SLC25A48: variants seen among roughly 807,000 people sequenced by gnomAD.
SLC25A48 encodes solute carrier family 25 member 48, also known as CTC-321K16.1.
Under a neutral mutation model 32.2 loss-of-function variants are expected in SLC25A48, and 29 were observed. The observed-to-expected ratio is 0.90, with a 90% CI of 0.67 to 1.23. The LOEUF (loss-of-function observed/expected upper bound fraction) is 1.23. Ranked by LOEUF, SLC25A48 falls within the 50% of genes most tolerant of loss-of-function variation. SLC25A48 has a pLI of 0.00. For synonymous variants in SLC25A48, 164 were observed against 172.3 expected (o/e 0.95, Z 0.38); for missense variants, 399 against 422.7 (o/e 0.94, Z 0.49).
At chr5:135,668,746 G>C (rs1753581168) in intron 3 of SLC25A48, among the ~76,000 whole-genome samples, 1 of 152,318 alleles carries the variant, frequency 6.6e-6, no homozygotes, top group South Asian at 2.1e-4. Context: ...GAGGGAGAAA[G>C]TTCTTTAGGG....
At chr5:135,630,103 G>A (rs1343768199) in intron 2 of SLC25A48, among the ~76,000 whole-genome samples, 1 of 152,182 alleles carries the variant, frequency 6.6e-6, no homozygotes, top group Non-Finnish European at 1.5e-5. Flanking sequence ...ATATGCCAAG[G>A]AATGAATGGC....
intron 1 of SLC25A48, among the ~76,000 whole-genome samples, chr5:135,607,135 C>G (rs981277888): frequency 2.0e-5 from 3 of 152,222 alleles, no homozygotes; most frequent in Non-Finnish European, 2.9e-5. Flanking sequence ...GGCGCTGCCT[C>G]TGAGAAGCAC....
chr5:135,634,434 A>T lies in SLC25A48; in HGVS notation c.-708-335A>T, dbSNP rs547729244. Among the ~76,000 whole-genome samples, 450 of 152,352 alleles carry T rather than the reference A, an allele frequency of 3.0e-3. 2 individuals carry two copies. The highest frequency in any genetic ancestry group is 0.01 in the African/African-American group (436 of 41,592). On this transcript the variant is annotated intron_variant, in intron 2 of 10. Transcript: ENST00000646290. ...ATCATCATGGGGCCATGGGACTCCT[A>T]AGATATGTCCAGCTTATGTTGAACT...
intron 3 of SLC25A48, among the ~76,000 whole-genome samples, chr5:135,789,697 G>A (rs563362288): frequency 6.6e-6 from 1 of 151,276 alleles, no homozygotes; most frequent in African/African-American, 2.4e-5. Flanking sequence ...ATGTGGCAGG[G>A]GGGTGTACAC....
chr5:135,673,195 C>T (rs1753694113), intron 3 of SLC25A48, among the ~76,000 whole-genome samples: 1 of 152,088 alleles, frequency 6.6e-6, no homozygotes, highest in African/African-American at 2.4e-5. Context: ...CACATTTATG[C>T]CTAAATCTTT....
intron 3 of SLC25A48, among the ~76,000 whole-genome samples, chr5:135,685,988 G>A (rs1754013910): frequency 6.6e-6 from 1 of 152,198 alleles, no homozygotes; most frequent in Non-Finnish European, 1.5e-5. Context: ...CTCTCAAGGT[G>A]ACTGCTGCTG....
intron 3 of SLC25A48, among the ~76,000 whole-genome samples, chr5:135,785,818 T>C (rs907521198): frequency 6.8e-6 from 1 of 146,296 alleles, no homozygotes; most frequent in Admixed American, 6.8e-5. Flanking sequence ...TTACTCCCCA[T>C]AGGGCGGGGG....
At position 135,650,447 on chromosome 5, in the gene SLC25A48, T is replaced by A. The variant is rs78338834; in HGVS notation, c.-521+15491T>A. On this transcript the variant is annotated intron_variant, in intron 3 of 10. Transcript: ENST00000646290. ...GGTGGGAGAGAGCCTCCAGACACAG[T>A]GAGTTCCCAGGAACCAGCCGGGTTC... 4.9e-3 allele frequency: 2,255 copies of A among 455,934 alleles called. 44 individuals carry two copies. Among genetic ancestry groups the A allele is most frequent in the African/African-American group, 0.038 (1,927 of 50,080 alleles). 28.2% of individuals were successfully genotyped at this position (455,934 alleles called of 1,614,324 possible).
At chr5:135,694,270 G>A (rs2126960647) in intron 3 of SLC25A48, among the ~76,000 whole-genome samples, 1 of 152,304 alleles carries the variant, frequency 6.6e-6, no homozygotes, top group South Asian at 2.1e-4. Context: ...ACACAGATGT[G>A]TCCCGCCCAC....
chr5:135,739,851 T>G (rs1180203451), intron 3 of SLC25A48, among the ~76,000 whole-genome samples: 3 of 152,126 alleles, frequency 2.0e-5, no homozygotes, highest in African/African-American at 7.2e-5. Flanking sequence ...CTGAATGGTG[T>G]GTTTTCCTTC....
intron 1 of SLC25A48, among the ~76,000 whole-genome samples, chr5:135,601,745 C>T (rs1751800773): frequency 6.6e-6 from 1 of 152,228 alleles, no homozygotes; most frequent in Non-Finnish European, 1.5e-5. Context: ...CCAACAGCTG[C>T]CAAAGCGAAG....
chr5:135,729,541 A>G (rs1036176954), intron 3 of SLC25A48, among the ~76,000 whole-genome samples: 3 of 152,216 alleles, frequency 2.0e-5, no homozygotes, highest in African/African-American at 7.2e-5. Context: ...TTGTCAGCCT[A>G]AAAAAGTGGC....
At position 135,841,088 on chromosome 5, in the gene SLC25A48, C is replaced by CT. The variant is rs962298161; in HGVS notation, c.47-1321dup. Among the ~76,000 whole-genome samples, 17 of 152,262 alleles carry CT rather than the reference C, an allele frequency of 1.1e-4. 1 individual carries two copies. The highest frequency in any genetic ancestry group is 9.8e-4 in the Admixed American group (15 of 15,302). ...CATCCTTGCCAACAGTTCTTTTCCACTTTTTTTCAATTGTAGCTATCCTAG... is the reference window on the plus strand; with the variant it reads ...CATCCTTGCCAACAGTTCTTTTCCACTTTTTTTTCAATTGTAGCTATCCTAG... On this transcript the variant is annotated intron_variant, in intron 1 of 7. Transcript: ENST00000681962.
intron 3 of SLC25A48, among the ~76,000 whole-genome samples, chr5:135,687,574 G>A (rs1754045287): frequency 6.6e-6 from 1 of 151,636 alleles, no homozygotes; most frequent in African/African-American, 2.4e-5. Context: ...TTTTTTTAAT[G>A]TTGCTGTTTT....
intron 3 of SLC25A48, among the ~76,000 whole-genome samples, chr5:135,742,957 T>TCCTCCTCCCCCCCCCCCCCC (rs1554071278): frequency 1.6e-4 from 2 of 12,902 alleles, no homozygotes; most frequent in African/African-American, 9.9e-4. Context: ...TCTGGAGACC[T>TCCTCCTCCCCCCCCCCCCCC]CCCCCTCCCC....
At chr5:135,864,867 T>C (rs1475267485) in intron 4 of SLC25A48, among the ~76,000 whole-genome samples, 2 of 152,246 alleles carry the variant, frequency 1.3e-5, no homozygotes, top group African/African-American at 2.4e-5. Context: ...AACACCAGTA[T>C]TGGTCATTCT....
intron 3 of SLC25A48, among the ~76,000 whole-genome samples, chr5:135,805,597 T>C (rs1757445106): frequency 6.6e-6 from 1 of 151,614 alleles, no homozygotes; most frequent in Non-Finnish European, 1.5e-5. Context: ...GCAGTATGTG[T>C]ACACACTGTG....
At chr5:135,603,904 C>A (rs940132107) in intron 1 of SLC25A48, among the ~76,000 whole-genome samples, 1 of 152,026 alleles carries the variant, frequency 6.6e-6, no homozygotes, top group East Asian at 1.9e-4. Context: ...TAACCTCTAC[C>A]GGGATCAGGC....
intron 3 of SLC25A48, among the ~76,000 whole-genome samples, chr5:135,719,248 AT>A (rs200089641): frequency 6.6e-6 from 1 of 152,160 alleles, no homozygotes; most frequent in Admixed American, 6.5e-5. Flanking sequence ...TCCGGGATTT[AT>A]TTTTCCCTTT....
Sources: gnomAD v4.1 joint callset for allele counts (sites outside exome capture counted in the v4.1 genomes callset) on GRCh38, gnomAD v4.1.1 for gene constraint, MANE v1.5 for transcripts, NCBI Gene and HGNC (gene_info 2026-07-23, HGNC 2026-07-21) for gene names.